Variants in IFT140 observed in about 807,000 individuals in gnomAD.
The protein encoded by IFT140 is intraflagellar transport protein 140 homolog.
IFT140 carries 133 observed loss-of-function variants against 164.6 expected under a neutral mutation model. That is an observed-to-expected ratio of 0.81 (90% CI 0.70 to 0.93). The LOEUF (loss-of-function observed/expected upper bound fraction) is 0.93, where lower values mean the gene tolerates loss of function less well. IFT140 is among the 40% of genes least tolerant of loss of function. The pLI is 0.00. For missense variants in IFT140, 2,045 were observed against 1,972.3 expected (o/e 1.04, Z -0.70); for synonymous variants, 860 against 817.3 (o/e 1.05, Z -0.89).
chr16:1,592,544 C>T lies in IFT140; in HGVS notation c.414G>A (p.Val138=). ...CGTGTTTCAGCAGAGGCGTCCCTTG[C>T]ACTCGGCCCCTTTGGTCCAACCTCC... is the stretch of plus-strand genomic sequence containing the variant. The part of the protein sequence containing the change: ...LLWRLDQRGR[V]QGTPLLKHEY... Residue 138 remains valine, a synonymous_variant, in exon 5 of 31, where the codon GTG becomes GTA. Transcript: ENST00000426508. 6.2e-7 allele frequency: 1 copy of T among 1,614,254 alleles called. No individual in the cohort carries two copies. The highest frequency in any genetic ancestry group is 1.1e-5 in the South Asian group (1 of 91,086).
chr16:1,516,443 A>G (rs112878182), intron 30 of IFT140, among the ~76,000 whole-genome samples: 3,582 of 152,192 alleles, frequency 0.024, 62 homozygotes, highest in Non-Finnish European at 0.035. Context: ...GAGTAGAGAT[A>G]AAAAGCTGAT....
chr16:1,601,050 G>A (rs916309104), intron 4 of IFT140, among the ~76,000 whole-genome samples: 2 of 151,980 alleles, frequency 1.3e-5, no homozygotes, highest in Admixed American at 1.3e-4. Context: ...ATCTCTTGAC[G>A]TCAGCAGCTT....
At chr16:1,566,343 TTGG>T in intron 15 of IFT140, 52 bp from the exon 16 acceptor site, 1 of 1,601,332 alleles carries the variant, frequency 6.2e-7, no homozygotes, top group Non-Finnish European at 8.5e-7. Context: ...GACCAGCGGG[TTGG>T]TGGGCTGTGC....
rs894201719 is a variant in IFT140, at chr16:1,511,204, C to T, written c.4183-54G>A. The stretch of plus-strand genomic sequence containing the variant: ...CTTTCCTGAACAACCAGGCACGACC[C>T]TCTGCCTGCAGGCCAGGCACGTGCT... On this transcript the variant is annotated intron_variant, in intron 30 of 30. Transcript: ENST00000426508. 10 of 1,491,106 alleles carry T rather than the reference C, an allele frequency of 6.7e-6. No individual in the cohort carries two copies. The Admixed American group carries it at 1.8e-4, about 26-fold the overall frequency. The allele number at this position is 1,491,106 out of a possible 1,614,324, so 92.4% of individuals were successfully genotyped here.
Position 1,571,492 on chromosome 16 carries a change from T to C in IFT140, c.1567A>G (p.Asn523Asp). Residue 523 changes from asparagine to aspartate, a missense_variant, in exon 14 of 31, where the codon AAT becomes GAT. Transcript: ENST00000426508. ...QLLLFSETEG[N>D]PCFLDICGNF... ...CCACAGATGTCCAAGAAGCAGGGAT[T>C]CCCCTCAGTCTCCGAGAAAAGGAGG... is the stretch of plus-strand genomic sequence containing the variant. The C allele has an allele frequency of 6.2e-7, 1 of 1,614,018 alleles. No homozygotes were observed. The highest frequency in any genetic ancestry group is 1.1e-5 in the South Asian group (1 of 91,060).
chr16:1,520,100 GC>G lies in IFT140; in HGVS notation c.3873+30del, dbSNP rs1314246490. On this transcript the variant is annotated intron_variant, in intron 28 of 30. Coordinates refer to ENST00000426508, the MANE Select transcript of IFT140 (RefSeq NM_014714.4). ...GCCGGGCTCCACAGCCCTCCCCGGGGCCCCGCTGGCATGCCAGGGAGGGCCT... is the reference window on the plus strand; with the variant it reads ...GCCGGGCTCCACAGCCCTCCCCGGGGCCCGCTGGCATGCCAGGGAGGGCCT... 2.5e-6 allele frequency: 4 copies of G among 1,611,176 alleles called. No individual in the cohort carries two copies. In the East Asian group the frequency reaches 6.7e-5, roughly 27 times the overall value.
At chr16:1,597,232 C>T (rs971353447) in intron 4 of IFT140, among the ~76,000 whole-genome samples, 3 of 152,176 alleles carry the variant, frequency 2.0e-5, no homozygotes, top group African/African-American at 7.2e-5. Context: ...CCTGGCCCGT[C>T]TAACGTGCTC....
intron 19 of IFT140, 130 bp from the exon 20 acceptor site, chr16:1,526,926 C>A: frequency 9.8e-7 from 1 of 1,022,030 alleles, no homozygotes; most frequent in Non-Finnish European, 1.4e-6. Flanking sequence ...GGGCCTTCAC[C>A]CATCGGCTCC....
intron 19 of IFT140, among the ~76,000 whole-genome samples, chr16:1,546,990 C>G (rs1259446752): frequency 6.6e-6 from 1 of 152,240 alleles, no homozygotes; most frequent in Non-Finnish European, 1.5e-5. Flanking sequence ...ATGACACTCT[C>G]TGCATCCGTG....
chr16:1,565,983 A>G (rs945457762), intron 16 of IFT140, among the ~76,000 whole-genome samples, 178 bp downstream of exon 16: 4 of 152,134 alleles, frequency 2.6e-5, no homozygotes, highest in Non-Finnish European at 2.9e-5. Context: ...AAGGACAGAG[A>G]CTAAGAACTC....
intron 12 of IFT140, among the ~76,000 whole-genome samples, chr16:1,581,891 T>C (rs576872004): frequency 3.3e-5 from 5 of 151,674 alleles, no homozygotes; most frequent in African/African-American, 1.2e-4. Flanking sequence ...ATGAGAGAAC[T>C]TTAAGCAACA....
intron 13 of IFT140, among the ~76,000 whole-genome samples, chr16:1,573,779 C>A (rs1596389658): frequency 6.6e-6 from 1 of 152,218 alleles, no homozygotes; most frequent in African/African-American, 2.4e-5. Context: ...TCTCCCACAA[C>A]TTCACTCTTC....
At position 1,526,028 on chromosome 16, in the gene IFT140, T is replaced by A. The variant is rs775517181; in HGVS notation, c.2627A>T (p.Asn876Ile). 3.7e-6 allele frequency: 6 copies of A among 1,601,944 alleles called. No homozygotes were observed. The South Asian group carries it at 6.8e-5, about 18-fold the overall frequency. The change falls in exon 21 of 31, where the codon AAC (asparagine) becomes ATC (isoleucine). Residue 876 changes from asparagine (N) to isoleucine (I), a missense_variant. Asn to Ile is a moderately radical substitution (Grantham distance 149). Coordinates refer to ENST00000426508, the MANE Select transcript of IFT140 (RefSeq NM_014714.4). The part of the protein sequence containing the change: ...YRKCKRHDLL[N>I]KFYQAAGRWQ... ...CCGGCCCGCAGCCTGGTAGAACTTGTTCAGGAGGTCGTGGCGCTTGCACTT... is the reference window on the plus strand; with the variant it reads ...CCGGCCCGCAGCCTGGTAGAACTTGATCAGGAGGTCGTGGCGCTTGCACTT...
In IFT140 at chr16:1,518,330, G is replaced by C; in HGVS notation, c.4068C>G (p.Ser1356=). 6.2e-7 allele frequency: 1 copy of C among 1,614,072 alleles called. No individual in the cohort carries two copies. Among genetic ancestry groups the C allele is most frequent in the Non-Finnish European group, 8.5e-7 (1 of 1,180,016 alleles). ...RRTYTEDPKE[S]IKQCELLLEE... Reference sequence around the variant, plus strand: ...CCAGGAGCAGCTCACACTGCTTGATGGACTCCTTGGGGTCCTCTGTGTACG... The same window carrying C: ...CCAGGAGCAGCTCACACTGCTTGATCGACTCCTTGGGGTCCTCTGTGTACG... The change falls in exon 30 of 31, where the codon TCC becomes TCG. Residue 1356 remains serine (S), a synonymous_variant. Coordinates refer to ENST00000426508, the MANE Select transcript of IFT140 (RefSeq NM_014714.4).
intron 19 of IFT140, chr16:1,557,450 G>A (rs1461672302): frequency 6.3e-6 from 1 of 158,232 alleles, no homozygotes; most frequent in Non-Finnish European, 1.4e-5. Context: ...TTCATTCTTC[G>A]ATTTTCTACC....
intron 21 of IFT140, 88 bp downstream of exon 21, chr16:1,525,799 T>C (rs2040672255): frequency 1.5e-6 from 2 of 1,316,142 alleles, no homozygotes; most frequent in South Asian, 3.1e-5. Flanking sequence ...AGAACCTCCC[T>C]GGCCACCTCA....
In IFT140 at chr16:1,571,452, A is replaced by G. The variant is rs1206065799; in HGVS notation, c.1607T>C (p.Val536Ala). 7.4e-6 allele frequency: 12 copies of G among 1,614,100 alleles called. No individual in the cohort carries two copies. The highest frequency in any genetic ancestry group is 1.0e-5 in the Non-Finnish European group (12 of 1,180,018). The change falls in exon 14 of 31, where the codon GTA becomes GCA. Residue 536 changes from valine (V) to alanine (A), a missense_variant. Physicochemically the swap from Val to Ala is moderately conservative, Grantham distance 64 (BLOSUM62 0). Transcript: ENST00000426508. Reference sequence around the variant, plus strand: ...TTTAAAGTGAGCCAAGTCTGTCCCTACAACCAGGAAATTCCCACAGATGTC... The same window carrying G: ...TTTAAAGTGAGCCAAGTCTGTCCCTGCAACCAGGAAATTCCCACAGATGTC... ...FLDICGNFLV[V>A]GTDLAHFKSF...
At chr16:1,563,826 ATAT>A (rs2033560991) in intron 17 of IFT140, among the ~76,000 whole-genome samples, 168 bp downstream of exon 17, 1 of 152,268 alleles carries the variant, frequency 6.6e-6, no homozygotes, top group Admixed American at 6.5e-5. Flanking sequence ...GGGTCTCAAT[ATAT>A]TGCCCAGGCT....
In IFT140 at chr16:1,553,908, T is replaced by C. The variant is rs918070035; in HGVS notation, c.2399+4027A>G. ...ACCCTGATTTTCCTGTTGTAAGAAC[T>C]AAAAAGGTCTTTGGAGCTCCTCAAA... On this transcript the variant is annotated intron_variant, in intron 19 of 30. Coordinates refer to ENST00000426508, the MANE Select transcript of IFT140 (RefSeq NM_014714.4). This position sits in a 1 kb window ranked among gnomAD's most constrained non-coding sequence, Gnocchi z 4.4. 7.8e-7 allele frequency: 1 copy of C among 1,277,434 alleles called. No individual in the cohort carries two copies. The highest frequency in any genetic ancestry group is 1.0e-6 in the Non-Finnish European group (1 of 982,032). 79.1% of individuals were successfully genotyped at this position (1,277,434 alleles called of 1,614,324 possible). A position where few individuals can be genotyped will look rare whatever the true frequency, so the allele number is the denominator to read the frequency against.
Sources: allele counts gnomAD v4.1 joint callset (sites outside exome capture counted in the v4.1 genomes callset), GRCh38; gene constraint gnomAD v4.1.1; non-coding constraint Gnocchi (gnomAD v3.1); transcripts MANE v1.5; gene names NCBI Gene and HGNC (gene_info 2026-07-23, HGNC 2026-07-21).